The following DEF8 variants were observed in gnomAD, a reference collection of about 807,000 sequenced individuals.
DEF8 encodes differentially expressed in FDCP 8 homolog.
DEF8 carries 38 observed loss-of-function variants against 59.1 expected under a neutral mutation model. That is an observed-to-expected ratio of 0.64 (90% CI 0.50 to 0.84). The LOEUF (loss-of-function observed/expected upper bound fraction) is 0.84. Among genes scored for constraint, DEF8 ranks in the 40% least tolerant of loss-of-function variants. The pLI, the probability that DEF8 is intolerant of heterozygous loss-of-function variation, is 0.00. For missense variants in DEF8, 557 were observed against 615.2 expected, an observed-to-expected ratio of 0.91 and a Z score of 1.00; for synonymous variants, 265 against 250.1, an observed-to-expected ratio of 1.06 and a Z score of -0.56.
At chr16:89,961,585 G>A (rs539729802) in intron 7 of DEF8, 152 bp from the exon 8 acceptor site, 5 of 911,222 alleles carry the variant, frequency 5.5e-6, no homozygotes, top group Admixed American at 2.1e-5. Flanking sequence ...TCAGTGAGAC[G>A]CTGGGACCAC....
chr16:89,949,399 G>T lies in DEF8; in HGVS notation c.-107-18G>T. 6.3e-7 allele frequency: 1 copy of T among 1,591,932 alleles called. No homozygotes were observed. The highest frequency in any genetic ancestry group is 2.2e-5 in the East Asian group (1 of 44,646). On this transcript the variant is annotated intron_variant, in intron 1 of 12. Coordinates refer to ENST00000563594, the MANE Select transcript of DEF8 (RefSeq NM_001242818.2). ...GGTGGGTGGGGAGGCACAGTGCTGG[G>T]GTGGCTTCTCCCTGCAGCAGGTGCC...
rs892989320 is a variant in DEF8 at position 89,958,985 on chromosome 16, T to C, written c.373-29T>C. ...AAGGAACTTCAGCCCAGCTCACCTG[T>C]GACCCCCTCCCTGACTCACCCTCTG... On this transcript the variant is annotated intron_variant, in intron 5 of 12. Transcript: ENST00000563594. The C allele has an allele frequency of 6.2e-6, 10 of 1,605,350 alleles. No individual in the cohort carries two copies. The African/African-American group carries it at 1.2e-4, about 19-fold the overall frequency.
At chr16:89,953,490 G>C (rs528770826) in intron 2 of DEF8, among the ~76,000 whole-genome samples, 1 of 152,204 alleles carries the variant, frequency 6.6e-6, no homozygotes, top group Admixed American at 6.5e-5. Context: ...AGGCCCTTCC[G>C]GCCTGTTTCC....
intron 10 of DEF8, 81 bp from the exon 11 acceptor site, chr16:89,964,089 C>T (rs776752261): frequency 6.3e-7 from 1 of 1,587,842 alleles, no homozygotes; most frequent in Non-Finnish European, 8.6e-7. Flanking sequence ...CACCTGGGCC[C>T]TGACCACTGC....
Position 89,962,001 on chromosome 16 carries a change from G to C in DEF8, c.808-11G>C, listed in dbSNP as rs370887972. ...TGGGTGTGAGAGGTGTCACCCGGCCGTGCCTGGCAGGTTTCTCGCTGCAGC... is the reference window on the plus strand; with the variant it reads ...TGGGTGTGAGAGGTGTCACCCGGCCCTGCCTGGCAGGTTTCTCGCTGCAGC... On this transcript the variant is annotated splice_polypyrimidine_tract_variant and intron_variant, in intron 8 of 12. Transcript: ENST00000563594. 1 of 1,613,648 alleles carries C rather than the reference G, an allele frequency of 6.2e-7. No homozygotes were observed.
Position 89,964,462 on chromosome 16 carries a change from C to T in DEF8, c.1144-4C>T, listed in dbSNP as rs1360657284. ...GTGCCCCAACCCCACACTGTTCCCC[C>T]CAGCGGTGCCAGGCCAAGGGCTTCG... On this transcript the variant is annotated splice_region_variant and splice_polypyrimidine_tract_variant and intron_variant, in intron 11 of 12. Coordinates refer to ENST00000563594, the MANE Select transcript of DEF8 (RefSeq NM_001242818.2). The T allele has an allele frequency of 2.5e-6, 4 of 1,584,338 alleles. No individual in the cohort carries two copies. Among genetic ancestry groups the T allele is most frequent in the African/African-American group, 2.7e-5 (2 of 74,032 alleles).
chr16:89,966,181 G>A lies in DEF8; in HGVS notation c.*218G>A. ...CTGGCTGTCACCTGGGTGTGCTGCTGTGAGGGGTCCTTGCGTGGCCCCCAT... is the reference window on the plus strand; with the variant it reads ...CTGGCTGTCACCTGGGTGTGCTGCTATGAGGGGTCCTTGCGTGGCCCCCAT... On this transcript the variant is annotated 3_prime_UTR_variant, in exon 13 of 13. Coordinates refer to ENST00000563594, the MANE Select transcript of DEF8 (RefSeq NM_001242818.2). 1 of 505,072 alleles carries A rather than the reference G, an allele frequency of 2.0e-6. No individual in the cohort carries two copies. Among genetic ancestry groups the A allele is most frequent in the Non-Finnish European group, 3.6e-6 (1 of 276,454 alleles). 31.3% of individuals were successfully genotyped at this position (505,072 alleles called of 1,614,324 possible).
intron 12 of DEF8, among the ~76,000 whole-genome samples, chr16:89,964,831 C>T (rs190635946): frequency 1.2e-4 from 18 of 152,322 alleles, no homozygotes; most frequent in African/African-American, 3.4e-4. Flanking sequence ...AGGTCCCTCC[C>T]GGACCAGCCC....
At position 89,950,792 on chromosome 16, in the gene DEF8, C is replaced by T. The variant is rs562141766; in HGVS notation, c.-11+1279C>T. On this transcript the variant is annotated intron_variant, in intron 2 of 12. Coordinates refer to ENST00000563594, the MANE Select transcript of DEF8 (RefSeq NM_001242818.2). Reference sequence around the variant, plus strand: ...GCCAGGAGTTTGAGACCAGCCTGGGCATCAGAGTGAGACTCCGTCTCTACA... The same window carrying T: ...GCCAGGAGTTTGAGACCAGCCTGGGTATCAGAGTGAGACTCCGTCTCTACA... 3.9e-4 allele frequency among the ~76,000 whole-genome samples: 59 copies of T among 152,068 alleles called. 1 individual carries two copies. In the South Asian group the frequency reaches 0.011, roughly 29 times the overall value.
intron 2 of DEF8, among the ~76,000 whole-genome samples, chr16:89,952,385 G>C (rs906291828): frequency 6.6e-5 from 10 of 152,156 alleles, no homozygotes; most frequent in Non-Finnish European, 1.3e-4. Context: ...TACTTCCTGG[G>C]GTGGATGGAA....
chr16:89,961,706 A>C (rs371298518), intron 7 of DEF8, 31 bp from the exon 8 acceptor site: 6 of 1,610,860 alleles, frequency 3.7e-6, no homozygotes, highest in Non-Finnish European at 3.4e-6. Flanking sequence ...TTTGTGAGGC[A>C]GGGACACTCA....
intron 6 of DEF8, among the ~76,000 whole-genome samples, chr16:89,959,629 G>T (rs925606461): frequency 6.6e-6 from 1 of 152,182 alleles, no homozygotes; most frequent in African/African-American, 2.4e-5. Context: ...TGAGTAGCTG[G>T]GACTACAGGT....
At chr16:89,955,348 C>G in intron 4 of DEF8, 82 bp downstream of exon 4, 2 of 1,184,874 alleles carry the variant, frequency 1.7e-6, no homozygotes, top group Non-Finnish European at 2.5e-6. Flanking sequence ...GTCACTCCCT[C>G]CCAGGTGGCA....
chr16:89,961,872 T>G lies in DEF8; in HGVS notation c.807+8T>G, dbSNP rs761128752. 1.3e-6 allele frequency: 2 copies of G among 1,596,706 alleles called. No homozygotes were observed. Among genetic ancestry groups the G allele is most frequent in the Non-Finnish European group, 8.6e-7 (1 of 1,169,510 alleles). ...GACTTTGAGCCTCGAAAGGTGGGGG[T>G]TGGAAGGTGGGGGCATCCCCCTGGG... On this transcript the variant is annotated splice_region_variant and intron_variant, in intron 8 of 12. Coordinates refer to ENST00000563594, the MANE Select transcript of DEF8 (RefSeq NM_001242818.2).
At chr16:89,949,739 G>A in intron 2 of DEF8, 3 of 1,188,714 alleles carry the variant, frequency 2.5e-6, no homozygotes, top group Non-Finnish European at 3.5e-6. Context: ...AAGTTGTGGG[G>A]TCCTCCCCGA....
Position 89,963,369 on chromosome 16 carries a change from C to G in DEF8, c.928C>G (p.Arg310Gly), listed in dbSNP as rs910301882. 3 of 1,613,382 alleles carry G rather than the reference C, an allele frequency of 1.9e-6. No homozygotes were observed. Among genetic ancestry groups the G allele is most frequent in the African/African-American group, 2.7e-5 (2 of 74,878 alleles). Reference sequence around the variant, plus strand: ...GCTCCCGCCTTGTTTGCAGAAGCTGCGCCAGGACATCCTGCTCATGAAGCC... The same window carrying G: ...GCTCCCGCCTTGTTTGCAGAAGCTGGGCCAGGACATCCTGCTCATGAAGCC... ...VEELVEIRKL[R>G]QDILLMKPYF... The change falls in exon 10 of 13, where the codon CGC (arginine) becomes GGC (glycine). Residue 310 changes from arginine to glycine, a missense_variant. Physicochemically the swap from Arg to Gly is moderately radical, Grantham distance 125. Coordinates refer to ENST00000563594, the MANE Select transcript of DEF8 (RefSeq NM_001242818.2).
chr16:89,954,055 T>A lies in DEF8; in HGVS notation c.-10-188T>A. On this transcript the variant is annotated intron_variant, in intron 2 of 12. Coordinates refer to ENST00000563594, the MANE Select transcript of DEF8 (RefSeq NM_001242818.2). The surrounding 1 kb of genome is among the most constrained non-coding windows in gnomAD (Gnocchi z 4.3). ...CAAGGGGACGCCACCAGTGGGGGCCTGGGCAGGAGGCAGCTGAGGTGTTTC... is the reference window on the plus strand; with the variant it reads ...CAAGGGGACGCCACCAGTGGGGGCCAGGGCAGGAGGCAGCTGAGGTGTTTC... 1 of 615,192 alleles carries A rather than the reference T, an allele frequency of 1.6e-6. No individual in the cohort carries two copies. Among genetic ancestry groups the A allele is most frequent in the Non-Finnish European group, 2.8e-6 (1 of 361,920 alleles). The allele number at this position is 615,192 out of a possible 1,614,324, so 38.1% of individuals were successfully genotyped here. A position where few individuals can be genotyped will look rare whatever the true frequency, so the allele number is the denominator to read the frequency against.
Position 89,960,970 on chromosome 16 carries a change from T to C in DEF8, c.554T>C (p.Ile185Thr). 6.2e-7 allele frequency: 1 copy of C among 1,614,082 alleles called. No individual in the cohort carries two copies. Among genetic ancestry groups the C allele is most frequent in the Non-Finnish European group, 8.5e-7 (1 of 1,179,994 alleles). Residue 185 changes from isoleucine (I) to threonine (T), a missense_variant, in exon 7 of 13, where the codon ATC (isoleucine) becomes ACC (threonine). Physicochemically the swap from Ile to Thr is moderately conservative, Grantham distance 89 (BLOSUM62 -1). Coordinates refer to ENST00000563594, the MANE Select transcript of DEF8 (RefSeq NM_001242818.2). ...YRCHSKCLNL[I>T]SKPCVSSKVS... is the part of the protein sequence containing the mutation. Reference sequence around the variant, plus strand: ...TGTCACAGTAAGTGCTTGAACCTCATCTCCAAGCCCTGTGTGAGCTCCAAA... The same window carrying C: ...TGTCACAGTAAGTGCTTGAACCTCACCTCCAAGCCCTGTGTGAGCTCCAAA...
rs138670171 is a variant in DEF8, at chr16:89,951,569, G to A, written c.-11+2056G>A. ...CTTTCAGTCAGAATCTACTTTGGCC[G>A]CAAGAGACAAAAACCTCCCCTATAA... On this transcript the variant is annotated intron_variant, in intron 2 of 12. Coordinates refer to ENST00000563594, the MANE Select transcript of DEF8 (RefSeq NM_001242818.2). 3.2e-3 allele frequency among the ~76,000 whole-genome samples: 480 copies of A among 152,188 alleles called. 1 individual carries two copies. The highest frequency in any genetic ancestry group is 0.01 in the African/African-American group (435 of 41,534).
Sources: gnomAD v4.1 joint callset for allele counts (sites outside exome capture counted in the v4.1 genomes callset) on GRCh38, gnomAD v4.1.1 for gene constraint, Gnocchi (gnomAD v3.1) non-coding constraint, MANE v1.5 for transcripts, NCBI Gene and HGNC (gene_info 2026-07-23, HGNC 2026-07-21) for gene names.